PRDM16: variants seen among roughly 807,000 people sequenced by gnomAD.
PRDM16 encodes the protein histone-lysine N-methyltransferase PRDM16.
A neutral mutation model predicts 110.6 loss-of-function variants in PRDM16; 23 were observed. That is an observed-to-expected ratio of 0.21 (90% confidence interval 0.15 to 0.29). The LOEUF is 0.29. PRDM16 is among the 10% of genes least tolerant of loss of function. The pLI, the probability that PRDM16 is intolerant of heterozygous loss-of-function variation, is 1.00. For missense variants in PRDM16, 1,615 were observed against 1,794.3 expected, an observed-to-expected ratio of 0.90 and a Z score of 1.81; for synonymous variants, 799 against 781.8, an observed-to-expected ratio of 1.02 and a Z score of -0.37.
chr1:3,387,263 A>G (rs1643215656), intron 4 of PRDM16, among the ~76,000 whole-genome samples: 1 of 152,110 alleles, frequency 6.6e-6, no homozygotes, highest in African/African-American at 2.4e-5. Context: ...TACCCAAACC[A>G]CAGATAATGT....
At chr1:3,158,939 T>C (rs563571409) in intron 1 of PRDM16, among the ~76,000 whole-genome samples, 1 of 152,166 alleles carries the variant, frequency 6.6e-6, no homozygotes, top group Non-Finnish European at 1.5e-5. Context: ...CTGGCTAAGT[T>C]TTGTAGTTTT....
chr1:3,145,997 C>T (rs1023702749), intron 1 of PRDM16, among the ~76,000 whole-genome samples: 7 of 152,146 alleles, frequency 4.6e-5, no homozygotes, highest in South Asian at 2.1e-4. Context: ...CGCCTCACCG[C>T]GGGTATCAGG....
chr1:3,371,590 T>A (rs1227252856), intron 3 of PRDM16, among the ~76,000 whole-genome samples: 1 of 151,480 alleles, frequency 6.6e-6, no homozygotes, highest in African/African-American at 2.4e-5. Context: ...CTTCCATTCA[T>A]CCATCCATCC....
intron 8 of PRDM16, among the ~76,000 whole-genome samples, chr1:3,407,939 C>G (rs975076942): frequency 6.6e-6 from 1 of 152,244 alleles, no homozygotes; most frequent in South Asian, 2.1e-4. Flanking sequence ...CAGATGTGGG[C>G]AGATCGGGTT....
intron 3 of PRDM16, among the ~76,000 whole-genome samples, chr1:3,312,716 T>C (rs567127409): frequency 6.6e-6 from 1 of 152,378 alleles, no homozygotes; most frequent in East Asian, 1.9e-4. Context: ...ACTCCGCCGC[T>C]TTTCAGGCAT....
intron 3 of PRDM16, among the ~76,000 whole-genome samples, chr1:3,320,265 G>A (rs2100450333): frequency 6.6e-6 from 1 of 152,350 alleles, no homozygotes; most frequent in Admixed American, 6.5e-5. Flanking sequence ...AGGTTCCTAG[G>A]AATTTCACTG....
In PRDM16 at chr1:3,069,574, C is replaced by T. The variant is rs1641694810; in HGVS notation, c.37+278C>T. On this transcript the variant is annotated intron_variant, in intron 1 of 16. Coordinates refer to ENST00000270722, the MANE Select transcript of PRDM16 (RefSeq NM_022114.4). This position sits in a 1 kb window ranked among gnomAD's most constrained non-coding sequence, Gnocchi z 6.1. ...CCCCACCAGTGTCAGGCGCTCGGGC[C>T]CGGGAACCCGAGGCGCGCGGTGGGG... is the stretch of plus-strand genomic sequence containing the variant. Among the ~76,000 whole-genome samples, 1 of 149,592 alleles carries T rather than the reference C, an allele frequency of 6.7e-6. No individual in the cohort carries two copies.
chr1:3,098,759 C>T (rs1642465829), intron 1 of PRDM16, among the ~76,000 whole-genome samples: 1 of 152,234 alleles, frequency 6.6e-6, no homozygotes, highest in Non-Finnish European at 1.5e-5. Flanking sequence ...GGCCCGGGGG[C>T]TTCCCTCTGA....
intron 3 of PRDM16, among the ~76,000 whole-genome samples, chr1:3,305,148 C>T (rs1054125709): frequency 1.1e-4 from 16 of 152,204 alleles, no homozygotes; most frequent in Admixed American, 6.5e-5. Context: ...TGGCACCTGC[C>T]CTCCAAGCAG....
intron 3 of PRDM16, among the ~76,000 whole-genome samples, chr1:3,310,991 G>C (rs145446629): frequency 6.6e-6 from 1 of 152,016 alleles, no homozygotes; most frequent in Admixed American, 6.6e-5. Context: ...GCGTGTGTGC[G>C]TGCGTATGTG....
chr1:3,076,848 C>T (rs1308066077), intron 1 of PRDM16, among the ~76,000 whole-genome samples: 4 of 152,206 alleles, frequency 2.6e-5, no homozygotes, highest in Non-Finnish European at 5.9e-5. Context: ...TTGGTTTTCT[C>T]CTCTGACACC....
In PRDM16 at chr1:3,226,810, A is replaced by T. The variant is rs115910507; in HGVS notation, c.388-17277A>T. 9.5e-3 allele frequency among the ~76,000 whole-genome samples: 1,452 copies of T among 152,250 alleles called. 25 individuals are homozygous for T. Among genetic ancestry groups the T allele is most frequent in the African/African-American group, 0.033 (1,375 of 41,558 alleles). ...GGGTCCCCGCACGGGGACCCCAGGG[A>T]ATGAGAACGGTGTCGGCTAATCTCC... is the stretch of plus-strand genomic sequence containing the variant. On this transcript the variant is annotated intron_variant, in intron 2 of 16. Coordinates refer to ENST00000270722, the MANE Select transcript of PRDM16 (RefSeq NM_022114.4).
rs34485545 is a variant in PRDM16, at chr1:3,435,597, T to TA, written c.*1795dup. On this transcript the variant is annotated 3_prime_UTR_variant, in exon 17 of 17. Coordinates refer to ENST00000270722, the MANE Select transcript of PRDM16 (RefSeq NM_022114.4). ...GAAAAAAAATGCCCAAGTTGCCCTTTAAAAAAAAAGAGCGTAAATACAAAC... is the reference window on the plus strand; with the variant it reads ...GAAAAAAAATGCCCAAGTTGCCCTTTAAAAAAAAAAGAGCGTAAATACAAAC... 27,120 of 226,958 alleles carry TA rather than the reference T, an allele frequency of 0.12. 1,547 individuals are homozygous for TA. Among genetic ancestry groups the TA allele is most frequent in the Middle Eastern group, 0.16 (124 of 756 alleles). 14.1% of individuals were successfully genotyped at this position (226,958 alleles called of 1,614,324 possible). A position where few individuals can be genotyped will look rare whatever the true frequency, so the allele number is the denominator to read the frequency against.
intron 5 of PRDM16, 43 bp from the exon 6 acceptor site, chr1:3,402,748 G>C: frequency 6.4e-7 from 1 of 1,569,620 alleles, no homozygotes; most frequent in East Asian, 2.3e-5. Flanking sequence ...CCCTGGGCTG[G>C]GTCTCCAGCT....
intron 1 of PRDM16, among the ~76,000 whole-genome samples, chr1:3,101,730 C>A (rs1365455907): frequency 7.2e-5 from 11 of 152,214 alleles, no homozygotes; most frequent in Non-Finnish European, 1.3e-4. Flanking sequence ...GGAAAAATGG[C>A]ATATGTCCTC....
At chr1:3,360,151 T>C (rs1279735638) in intron 3 of PRDM16, among the ~76,000 whole-genome samples, 2 of 152,146 alleles carry the variant, frequency 1.3e-5, no homozygotes, top group Non-Finnish European at 2.9e-5. Flanking sequence ...ATGTGCAGAG[T>C]TTGTGTGTTC....
At chr1:3,159,781 C>A (rs965897368) in intron 1 of PRDM16, among the ~76,000 whole-genome samples, 1 of 152,172 alleles carries the variant, frequency 6.6e-6, no homozygotes, top group African/African-American at 2.4e-5. Flanking sequence ...AGTAGGGGTA[C>A]CTGGTACTGC....
chr1:3,186,208 A>G lies in PRDM16; in HGVS notation c.121A>G (p.Ser41Gly). Reference sequence around the variant, plus strand: ...CAGCGCGGAGGACGAGGCCGAGGACAGTGCCATGTCGCCCATCCCCGTGGG... The same window carrying G: ...CAGCGCGGAGGACGAGGCCGAGGACGGTGCCATGTCGCCCATCCCCGTGGG... ...SHSAEDEAED[S>G]AMSPIPVGPP... is the part of the protein sequence containing the mutation. Residue 41 changes from serine (S) to glycine (G), a missense_variant, in exon 2 of 17, where the codon AGT becomes GGT. By Grantham distance (56) the Ser-to-Gly change is moderately conservative (BLOSUM62 0). This residue lies in a region of PRDM16 where 416 missense variants were observed against 467.1 expected (regional missense o/e 0.89). Transcript: ENST00000270722. 1 of 1,612,834 alleles carries G rather than the reference A, an allele frequency of 6.2e-7. No homozygotes were observed. Among genetic ancestry groups the G allele is most frequent in the Non-Finnish European group, 8.5e-7 (1 of 1,179,976 alleles).
At chr1:3,140,381 G>C (rs975480654) in intron 1 of PRDM16, among the ~76,000 whole-genome samples, 1 of 152,132 alleles carries the variant, frequency 6.6e-6, no homozygotes, top group African/African-American at 2.4e-5. Context: ...CCCAACTCAG[G>C]ATGAGCGCAG....
Sources: allele counts gnomAD v4.1 joint callset (sites outside exome capture counted in the v4.1 genomes callset), GRCh38; gene constraint gnomAD v4.1.1; regional missense constraint gnomAD v4.1.1; non-coding constraint Gnocchi (gnomAD v3.1); transcripts MANE v1.5; gene names NCBI Gene and HGNC (gene_info 2026-07-23, HGNC 2026-07-21).